SLC14A2: variants seen among roughly 807,000 people sequenced by gnomAD.
SLC14A2 encodes the protein urea transporter 2.
In SLC14A2, 91 loss-of-function variants were observed where a neutral mutation model predicts 104.6. The observed-to-expected ratio is 0.87, with a 90% CI of 0.73 to 1.04. The LOEUF (loss-of-function observed/expected upper bound fraction) is 1.04, where lower values mean the gene tolerates loss of function less well. SLC14A2 is among the 50% of genes least tolerant of loss of function. The pLI, the probability that SLC14A2 is intolerant of heterozygous loss-of-function variation, is 0.00. For missense variants in SLC14A2, 1,189 were observed against 1,156.0 expected (o/e 1.03, Z -0.41); for synonymous variants, 476 against 466.4 (o/e 1.02, Z -0.27).
At chr18:45,477,650 G>A (rs1404163310) in intron 1 of SLC14A2, among the ~76,000 whole-genome samples, 4 of 152,174 alleles carry the variant, frequency 2.6e-5, no homozygotes, top group Non-Finnish European at 5.9e-5. Context: ...CCATGACTGG[G>A]GCTGCTGCCT....
intron 6 of SLC14A2, 143 bp from the exon 7 acceptor site, chr18:45,639,603 A>T: frequency 1.3e-6 from 1 of 752,700 alleles, no homozygotes; most frequent in Non-Finnish European, 2.2e-6. Context: ...CATGCCTCCC[A>T]TGTTCTCTCA....
chr18:45,388,099 C>T (rs1434967558), intron 1 of SLC14A2, among the ~76,000 whole-genome samples: 16 of 104,406 alleles, frequency 1.5e-4, no homozygotes, highest in Non-Finnish European at 2.5e-4. Context: ...TTTTTTGAGA[C>T]GGAGTCTCAC....
intron 1 of SLC14A2, among the ~76,000 whole-genome samples, chr18:45,267,807 G>C (rs1288643199): frequency 6.6e-6 from 1 of 152,146 alleles, no homozygotes; most frequent in East Asian, 1.9e-4. Context: ...TTGCAAAGGT[G>C]TTTCCCAATG....
chr18:45,289,217 T>G (rs765409771), intron 1 of SLC14A2, among the ~76,000 whole-genome samples: 156 of 152,162 alleles, frequency 1.0e-3, no homozygotes, highest in Non-Finnish European at 1.4e-3. Context: ...CTTATTTTCT[T>G]ATCACATTTT....
At chr18:45,611,930 A>G (rs1282525981), upstream of SLC14A2, among the ~76,000 whole-genome samples, 1 of 152,246 alleles carries the variant, frequency 6.6e-6, no homozygotes, top group Non-Finnish European at 1.5e-5. Context: ...GACTTCAAAC[A>G]GTACAGAATT....
At chr18:45,314,919 A>T (rs1182317140) in intron 1 of SLC14A2, among the ~76,000 whole-genome samples, 1 of 152,206 alleles carries the variant, frequency 6.6e-6, no homozygotes, top group Non-Finnish European at 1.5e-5. Flanking sequence ...TTAAGAAGAT[A>T]ATAAGAGTGT....
chr18:45,209,871 C>G (rs935606494), upstream of SLC14A2, among the ~76,000 whole-genome samples: 8 of 152,178 alleles, frequency 5.3e-5, no homozygotes, highest in Admixed American at 3.9e-4. Flanking sequence ...TGATATAGTC[C>G]TCTAATATCT....
At chr18:45,547,656 C>A (rs529359347) in intron 2 of SLC14A2, among the ~76,000 whole-genome samples, 1 of 152,272 alleles carries the variant, frequency 6.6e-6, no homozygotes, top group South Asian at 2.1e-4. Context: ...TCTCCTTGAC[C>A]CTTGGTCTGC....
intron 1 of SLC14A2, among the ~76,000 whole-genome samples, chr18:45,444,881 A>G (rs971496730): frequency 1.2e-4 from 19 of 152,218 alleles, no homozygotes; most frequent in African/African-American, 4.3e-4. Flanking sequence ...CACGTTGTCA[A>G]TTCAGCTAAT....
At chr18:45,509,846 T>A (rs1228363422) in intron 2 of SLC14A2, among the ~76,000 whole-genome samples, 1 of 152,214 alleles carries the variant, frequency 6.6e-6, no homozygotes, top group Non-Finnish European at 1.5e-5. Flanking sequence ...CAGAGTTCTG[T>A]AGGTCACGGA....
chr18:45,611,323 A>C (rs2044968689), upstream of SLC14A2, among the ~76,000 whole-genome samples: 1 of 152,188 alleles, frequency 6.6e-6, no homozygotes, highest in African/African-American at 2.4e-5. Flanking sequence ...CTCCAAAGCC[A>C]TGTTGTTCTT....
chr18:45,267,557 A>G lies in SLC14A2; in HGVS notation c.-125+54366A>G, dbSNP rs550525887. ...ACATTTGATCATTATGAATAATGCA[A>G]TCATTAATGAATGTCTACTATGTGC... On this transcript the variant is annotated intron_variant, in intron 1 of 20. Transcript: ENST00000586448. Among the ~76,000 whole-genome samples, 10 of 152,334 alleles carry G rather than the reference A, an allele frequency of 6.6e-5. No individual in the cohort carries two copies. In the South Asian group the frequency reaches 1.7e-3, roughly 25 times the overall value.
intron 1 of SLC14A2, among the ~76,000 whole-genome samples, chr18:45,265,165 T>C (rs1387756233): frequency 1.3e-5 from 2 of 152,122 alleles, no homozygotes; most frequent in African/African-American, 2.4e-5. Context: ...AACAAAATAG[T>C]GGGATTGTTG....
chr18:45,303,120 A>G (rs2084984416), intron 1 of SLC14A2, among the ~76,000 whole-genome samples: 1 of 152,246 alleles, frequency 6.6e-6, no homozygotes, highest in Admixed American at 6.5e-5. Flanking sequence ...GGCAGCCCCC[A>G]TAATCACAGC....
intron 1 of SLC14A2, 73 bp from the exon 2 acceptor site, chr18:45,624,558 T>C: frequency 2.6e-6 from 3 of 1,164,156 alleles, no homozygotes; most frequent in Non-Finnish European, 3.7e-6. Context: ...ACCTGAGGTC[T>C]GAGTCCAGCC....
intron 1 of SLC14A2, among the ~76,000 whole-genome samples, chr18:45,454,294 C>T (rs1048171643): frequency 2.6e-5 from 4 of 152,090 alleles, no homozygotes; most frequent in Non-Finnish European, 5.9e-5. Context: ...GTTAAGTGAC[C>T]GATCCAGGTT....
the SLC14A2 span, among the ~76,000 whole-genome samples, chr18:45,188,909 GA>G: frequency 6.6e-6 from 1 of 152,196 alleles, no homozygotes; most frequent in Non-Finnish European, 1.5e-5. Flanking sequence ...TGAGCTATCT[GA>G]CAACATGCCC....
At position 45,323,227 on chromosome 18, in the gene SLC14A2, A is replaced by G. The variant is rs117227786; in HGVS notation, c.-125+110036A>G. Reference sequence around the variant, plus strand: ...GCAAACACATTGAGACTGTTGGAACAATAACCTCAGTAAACTGATTATTTA... The same window carrying G: ...GCAAACACATTGAGACTGTTGGAACGATAACCTCAGTAAACTGATTATTTA... On this transcript the variant is annotated intron_variant, in intron 1 of 20. Transcript: ENST00000586448. Among the ~76,000 whole-genome samples, 1,044 of 152,338 alleles carry G rather than the reference A, an allele frequency of 6.9e-3. 30 individuals are homozygous for G. Among genetic ancestry groups the G allele is most frequent in the Admixed American group, 0.054 (829 of 15,296 alleles).
chr18:45,517,913 A>T (rs1426073924), intron 2 of SLC14A2, among the ~76,000 whole-genome samples: 1 of 152,224 alleles, frequency 6.6e-6, no homozygotes, highest in African/African-American at 2.4e-5. Flanking sequence ...GGGGCAAGGG[A>T]TATAAGAATA....
Sources: allele counts gnomAD v4.1 joint callset (sites outside exome capture counted in the v4.1 genomes callset), GRCh38; gene constraint gnomAD v4.1.1; transcripts MANE v1.5; gene names NCBI Gene and HGNC (gene_info 2026-07-23, HGNC 2026-07-21).